MED23: variants seen among roughly 807,000 people sequenced by gnomAD.
MED23 encodes the protein mediator complex subunit 23.
In MED23, 105 loss-of-function variants were observed where a neutral mutation model predicts 163.9. The observed-to-expected ratio is 0.64, with a 90% CI of 0.55 to 0.75. MED23 has a LOEUF of 0.75. Ranked by LOEUF, MED23 falls within the 30% of genes least tolerant of loss-of-function variation. The pLI is 0.00. For synonymous variants in MED23, 561 were observed against 565.6 expected (o/e 0.99, Z 0.12); for missense variants, 1,054 against 1,649.0 (o/e 0.64, Z 6.25).
At chr6:131,582,645 T>C, downstream of MED23, 2 of 1,613,906 alleles carry the variant, frequency 1.2e-6, no homozygotes, top group Non-Finnish European at 1.7e-6. Flanking sequence ...AGGATTCTCC[T>C]GGGTGACTCC....
chr6:131,577,021 C>G (rs1255341655), intron 30 of MED23, among the ~76,000 whole-genome samples: 2 of 151,322 alleles, frequency 1.3e-5, no homozygotes, highest in Non-Finnish European at 2.9e-5. Flanking sequence ...GTAGGGGAGC[C>G]GGGGGAACAG....
At chr6:131,605,943 C>G (rs1775823757) in intron 13 of MED23, among the ~76,000 whole-genome samples, 1 of 152,154 alleles carries the variant, frequency 6.6e-6, no homozygotes, top group African/African-American at 2.4e-5. Context: ...AAGTGGCAGT[C>G]CTTCTCAGAA....
At chr6:131,606,698 A>C (rs370052707) in intron 12 of MED23, 74 bp from the exon 13 acceptor site, 1 of 1,247,344 alleles carries the variant, frequency 8.0e-7, no homozygotes, top group Non-Finnish European at 1.1e-6. Flanking sequence ...TATTTTAGTA[A>C]TCAATTTCTA....
At chr6:131,603,916 T>A (rs867126201) in intron 15 of MED23, among the ~76,000 whole-genome samples, 1 of 152,210 alleles carries the variant, frequency 6.6e-6, no homozygotes, top group African/African-American at 2.4e-5. Flanking sequence ...CCCAGGCACC[T>A]AGCACATTAA....
At chr6:131,595,085 AAAGATGAAGCAG>A (rs1408994709) in intron 22 of MED23, among the ~76,000 whole-genome samples, 1 of 152,214 alleles carries the variant, frequency 6.6e-6, no homozygotes, top group East Asian at 1.9e-4. Flanking sequence ...AAGGTATCTT[AAAGATGAAGCAG>A]GACTGCCTGC....
chr6:131,607,084 T>C (rs1162881834), intron 12 of MED23, among the ~76,000 whole-genome samples: 1 of 151,962 alleles, frequency 6.6e-6, no homozygotes, highest in Non-Finnish European at 1.5e-5. Flanking sequence ...ATATTGACTA[T>C]TAATGGGTAA....
intron 30 of MED23, chr6:131,578,997 T>G: frequency 8.0e-7 from 1 of 1,249,590 alleles, no homozygotes. Flanking sequence ...TTTCAGGTTT[T>G]TCCTTTGCTT....
chr6:131,621,184 T>C (rs1230103704), intron 6 of MED23, among the ~76,000 whole-genome samples: 2 of 152,202 alleles, frequency 1.3e-5, no homozygotes, highest in African/African-American at 4.8e-5. Flanking sequence ...TGGAGAGATG[T>C]TGGTCAAAGG....
chr6:131,607,727 T>G (rs934271391), intron 12 of MED23, among the ~76,000 whole-genome samples: 5 of 152,172 alleles, frequency 3.3e-5, no homozygotes, highest in Non-Finnish European at 7.3e-5. Flanking sequence ...TTCAATGATG[T>G]ATATAGATTA....
At chr6:131,580,473 T>C (rs1286600662) in intron 30 of MED23, among the ~76,000 whole-genome samples, 1 of 152,222 alleles carries the variant, frequency 6.6e-6, no homozygotes, top group Non-Finnish European at 1.5e-5. Context: ...AGGCATTGTA[T>C]AGTACTAGCT....
In MED23 at chr6:131,623,363, TC is replaced by T. The variant is rs1777248226; in HGVS notation, c.383del (p.Gly128GlufsTer11). ...AAGAAAAATATACCTTGTAATCCAC[TC>T]CCCCAATTATTTTCCGAACCAGTTT... Reference protein sequence around the residue: ...TFKLVRKIIGGVDYKGVRDLL... With the variant: ...TFKLVRKIIGXVDYKGVRDLL... On this transcript the variant is annotated frameshift_variant, in exon 5 of 29. Coordinates refer to ENST00000368068, the MANE Select transcript of MED23 (RefSeq NM_004830.4). LOFTEE classifies it high-confidence loss of function. The T allele has an allele frequency of 6.2e-7, 1 of 1,612,672 alleles. No homozygotes were observed. Among genetic ancestry groups the T allele is most frequent in the Non-Finnish European group, 8.5e-7 (1 of 1,178,966 alleles).
Position 131,628,178 on chromosome 6 carries a change from C to A in MED23, c.-129G>T. ...GTAGCTCCTCGGCGTCGCTTCCTCC[C>A]CCAGCGCTTTACCTGGAGCGTTCCC... On this transcript the variant is annotated 5_prime_UTR_variant, in exon 1 of 29. Coordinates refer to ENST00000368068, the MANE Select transcript of MED23 (RefSeq NM_004830.4). 1 of 1,085,494 alleles carries A rather than the reference C, an allele frequency of 9.2e-7. No individual in the cohort carries two copies. The highest frequency in any genetic ancestry group is 1.3e-5 in the South Asian group (1 of 79,110). The allele number at this position is 1,085,494 out of a possible 1,614,324, so 67.2% of individuals were successfully genotyped here.
Position 131,620,871 on chromosome 6 carries a change from T to C in MED23, c.496-142A>G, listed in dbSNP as rs1423716853. The C allele has an allele frequency of 2.2e-5, 12 of 538,058 alleles. 1 individual carries two copies. The South Asian group carries it at 3.0e-4, about 14-fold the overall frequency. The allele number at this position is 538,058 out of a possible 1,614,324, so 33.3% of individuals were successfully genotyped here. A position where few individuals can be genotyped will look rare whatever the true frequency, so the allele number is the denominator to read the frequency against. ...GGCTTGGAGTGCAGTGGCGTAATCA[T>C]GGCTCACTACATCTTCAACCTCTGG... On this transcript the variant is annotated intron_variant, in intron 6 of 28. Coordinates refer to ENST00000368068, the MANE Select transcript of MED23 (RefSeq NM_004830.4).
In MED23 at chr6:131,576,666, C is replaced by G. The variant is rs104893944; in HGVS notation, c.4096-2371G>C. 6.2e-7 allele frequency: 1 copy of G among 1,613,614 alleles called. No homozygotes were observed. The highest frequency in any genetic ancestry group is 1.7e-5 in the Admixed American group (1 of 59,998). ...ACTTTATTTTTTAATTGTTCAGCCA[C>G]GAGGAGGGGTGGAAGAAGGCCCTAC... On this transcript the variant is annotated intron_variant, in intron 30 of 30. Transcript: ENST00000354577.
intron 15 of MED23, among the ~76,000 whole-genome samples, chr6:131,603,823 T>C (rs1485998648): frequency 6.6e-6 from 1 of 152,202 alleles, no homozygotes; most frequent in African/African-American, 2.4e-5. Flanking sequence ...TCAGACTTCG[T>C]ATGCACTGGA....
chr6:131,625,128 A>T lies in MED23; in HGVS notation c.160-139T>A, dbSNP rs543957011. The T allele has an allele frequency of 1.5e-3, 1,430 of 955,262 alleles. 3 individuals are homozygous for T. The highest frequency in any genetic ancestry group is 1.9e-3 in the Non-Finnish European group (1,250 of 643,494). 59.2% of individuals were successfully genotyped at this position (955,262 alleles called of 1,614,324 possible). On this transcript the variant is annotated intron_variant, in intron 3 of 28. Transcript: ENST00000368068. ...GCATCTGTGGATGAAAATAATTTTT[A>T]AAAAAAGCAAAATTAAAAAATTCAG... is the stretch of plus-strand genomic sequence containing the variant.
intron 10 of MED23, among the ~76,000 whole-genome samples, chr6:131,615,503 CAAAAAAAAAAAA>C (rs917020235): frequency 2.1e-4 from 3 of 14,160 alleles, no homozygotes; most frequent in East Asian, 2.6e-3. Context: ...AAACACACAC[CAAAAAAAAAAAA>C]AAAAAAAAAA....
chr6:131,574,156 T>TA (rs1216015192), exon 31 of MED23: 5 of 1,107,652 alleles, frequency 4.5e-6, no homozygotes, highest in Admixed American at 3.5e-5. Flanking sequence ...TTAAAGAGGA[T>TA]AAAAAACAAA....
chr6:131,597,475 C>CAAAAAAAAAAAA (rs59083644), intron 20 of MED23, among the ~76,000 whole-genome samples: 2 of 53,738 alleles, frequency 3.7e-5, no homozygotes, highest in African/African-American at 6.9e-5. Context: ...GACTCCATAT[C>CAAAAAAAAAAAA]AAAAAAAAAA....
Sources: allele counts gnomAD v4.1 joint callset (sites outside exome capture counted in the v4.1 genomes callset), GRCh38; gene constraint gnomAD v4.1.1; transcripts MANE v1.5; gene names NCBI Gene and HGNC (gene_info 2026-07-23, HGNC 2026-07-21).